The following MTUS2 variants were observed in gnomAD, a reference collection of about 807,000 sequenced individuals.
MTUS2 encodes the protein microtubule-associated tumor suppressor candidate 2.
MTUS2 carries 40 observed loss-of-function variants against 114.1 expected under a neutral mutation model. That is an observed-to-expected ratio of 0.35 (90% CI 0.27 to 0.46). The LOEUF is 0.46. Ranked by LOEUF, MTUS2 falls within the 20% of genes least tolerant of loss-of-function variation. The pLI, the probability that MTUS2 is intolerant of heterozygous loss-of-function variation, is 1.00. For synonymous variants in MTUS2, 688 were observed against 672.0 expected, an observed-to-expected ratio of 1.02 and a Z score of -0.37; for missense variants, 1,679 against 1,705.4, an observed-to-expected ratio of 0.98 and a Z score of 0.27.
chr13:28,834,866 C>T (rs1257887117), intron 1 of MTUS2, among the ~76,000 whole-genome samples: 1 of 151,936 alleles, frequency 6.6e-6, no homozygotes, highest in Admixed American at 6.6e-5. Context: ...ATTAAAAATT[C>T]AACAAAGGAT....
chr13:29,107,744 G>C (rs530982469), intron 5 of MTUS2, among the ~76,000 whole-genome samples: 1 of 152,106 alleles, frequency 6.6e-6, no homozygotes, highest in Non-Finnish European at 1.5e-5. Flanking sequence ...GAGGCTATTC[G>C]TGAGAGAATT....
At chr13:28,909,136 T>C (rs1339802744) in intron 2 of MTUS2, among the ~76,000 whole-genome samples, 2 of 151,604 alleles carry the variant, frequency 1.3e-5, no homozygotes, top group Admixed American at 1.3e-4. Context: ...TGCCTCCAGC[T>C]TTGTTCTTTT....
At chr13:29,449,029 C>T (rs962006972) in intron 9 of MTUS2, among the ~76,000 whole-genome samples, 2 of 152,120 alleles carry the variant, frequency 1.3e-5, no homozygotes, top group Non-Finnish European at 2.9e-5. Flanking sequence ...GTTGGGATTA[C>T]AGGCATGAGC....
intron 5 of MTUS2, among the ~76,000 whole-genome samples, chr13:29,222,760 C>A (rs543647100): frequency 1.1e-4 from 16 of 152,246 alleles, no homozygotes; most frequent in South Asian, 8.3e-4. Flanking sequence ...CCCAGGAAGA[C>A]TCCCTTTCCT....
intron 4 of MTUS2, among the ~76,000 whole-genome samples, chr13:29,077,590 C>G (rs1356865389): frequency 6.6e-6 from 1 of 152,154 alleles, no homozygotes; most frequent in African/African-American, 2.4e-5. Context: ...GGTCCTGTTA[C>G]CCACTTTATC....
chr13:29,274,817 C>T (rs1471859268), intron 5 of MTUS2, among the ~76,000 whole-genome samples: 2 of 152,172 alleles, frequency 1.3e-5, no homozygotes, highest in East Asian at 3.9e-4. Flanking sequence ...GCAACCTTGA[C>T]CTCCTGGGGT....
At chr13:29,111,364 G>T (rs1021049523) in intron 5 of MTUS2, among the ~76,000 whole-genome samples, 1 of 152,172 alleles carries the variant, frequency 6.6e-6, no homozygotes, top group Non-Finnish European at 1.5e-5. Context: ...GCAGAGCTAT[G>T]AGATGCTTGG....
chr13:29,023,569 AAATT>A (rs1886382547), intron 2 of MTUS2, among the ~76,000 whole-genome samples: 1 of 152,216 alleles, frequency 6.6e-6, no homozygotes, highest in African/African-American at 2.4e-5. Context: ...TTCAAGAACC[AAATT>A]AATCTCTGGC....
chr13:28,948,762 A>G (rs562243969), intron 2 of MTUS2, among the ~76,000 whole-genome samples: 2 of 152,318 alleles, frequency 1.3e-5, no homozygotes, highest in African/African-American at 2.4e-5. Context: ...GCAGGGGAAC[A>G]GGGGTGGGGA....
At chr13:29,142,901 G>A (rs192887741) in intron 5 of MTUS2, among the ~76,000 whole-genome samples, 1 of 152,186 alleles carries the variant, frequency 6.6e-6, no homozygotes, top group Non-Finnish European at 1.5e-5. Flanking sequence ...AAGCAAGGCA[G>A]CATGTACAAA....
intron 8 of MTUS2, among the ~76,000 whole-genome samples, chr13:29,389,644 TGTATATAC>T (rs1423440054): frequency 1.4e-5 from 2 of 146,834 alleles, no homozygotes; most frequent in Non-Finnish European, 3.0e-5. Context: ...CATATGTGTA[TGTATATAC>T]GTATATATGT....
At chr13:29,018,598 TA>T (rs2063612850) in intron 2 of MTUS2, among the ~76,000 whole-genome samples, 1 of 152,060 alleles carries the variant, frequency 6.6e-6, no homozygotes, top group East Asian at 1.9e-4. Context: ...CCGTCTCTAC[TA>T]AAATACAAAA....
intron 9 of MTUS2, among the ~76,000 whole-genome samples, chr13:29,440,945 G>A (rs1877796620): frequency 1.3e-5 from 2 of 152,174 alleles, no homozygotes; most frequent in Admixed American, 1.3e-4. Flanking sequence ...TGAGATCCAA[G>A]CATAGCTTTC....
chr13:28,952,002 C>T (rs1882833265), intron 2 of MTUS2, among the ~76,000 whole-genome samples: 1 of 151,954 alleles, frequency 6.6e-6, no homozygotes, highest in Admixed American at 6.6e-5. Flanking sequence ...CCCGCATAAC[C>T]CATCTTTGTG....
intron 8 of MTUS2, among the ~76,000 whole-genome samples, chr13:29,400,410 T>C (rs1252809641): frequency 6.6e-6 from 1 of 152,230 alleles, no homozygotes; most frequent in East Asian, 1.9e-4. Flanking sequence ...TATGAATCAG[T>C]TGAGATCTTA....
intron 4 of MTUS2, among the ~76,000 whole-genome samples, chr13:29,038,379 C>T (rs1418549201): frequency 6.6e-6 from 1 of 152,232 alleles, no homozygotes; most frequent in Non-Finnish European, 1.5e-5. Flanking sequence ...GGCAGCAGAA[C>T]AGCAAAGATT....
intron 5 of MTUS2, among the ~76,000 whole-genome samples, chr13:29,246,398 C>G (rs985163728): frequency 2.6e-5 from 4 of 152,220 alleles, no homozygotes; most frequent in African/African-American, 7.2e-5. Context: ...CATGGAGCTC[C>G]TCTCCCCGGA....
intron 2 of MTUS2, among the ~76,000 whole-genome samples, chr13:28,922,422 A>G (rs1013231277): frequency 7.2e-5 from 11 of 152,262 alleles, no homozygotes; most frequent in South Asian, 2.1e-4. Flanking sequence ...CTTGTCACCT[A>G]GATTTCTCTT....
chr13:28,954,766 A>G (rs1031133108), intron 2 of MTUS2, among the ~76,000 whole-genome samples: 1 of 152,206 alleles, frequency 6.6e-6, no homozygotes, highest in African/African-American at 2.4e-5. Flanking sequence ...TGATCAGGTT[A>G]GGAGTGATCA....
Sources: gnomAD v4.1 joint callset for allele counts (sites outside exome capture counted in the v4.1 genomes callset) on GRCh38, gnomAD v4.1.1 for gene constraint, MANE v1.5 for transcripts, NCBI Gene and HGNC (gene_info 2026-07-23, HGNC 2026-07-21) for gene names.